RIMBP2: variants seen among roughly 807,000 people sequenced by gnomAD.
The protein encoded by RIMBP2 is RIMS binding protein 2.
A neutral mutation model predicts 118.6 loss-of-function variants in RIMBP2; 48 were observed. That is an observed-to-expected ratio of 0.40 (90% CI 0.32 to 0.51). The LOEUF (loss-of-function observed/expected upper bound fraction) is 0.51. Ranked by LOEUF, RIMBP2 falls within the 20% of genes least tolerant of loss-of-function variation. RIMBP2 has a pLI of 0.41. For missense variants in RIMBP2, 1,551 were observed against 1,768.3 expected (o/e 0.88, Z 2.20); for synonymous variants, 762 against 742.9 (o/e 1.03, Z -0.42).
At chr12:130,473,818 G>A (rs2081209118) in intron 5 of RIMBP2, among the ~76,000 whole-genome samples, 1 of 152,180 alleles carries the variant, frequency 6.6e-6, no homozygotes, top group South Asian at 2.1e-4. Context: ...ACACAACTGA[G>A]GCCGACAATC....
intron 1 of RIMBP2, among the ~76,000 whole-genome samples, chr12:130,628,697 C>T (rs922519121): frequency 1.3e-5 from 2 of 152,146 alleles, no homozygotes; most frequent in African/African-American, 2.4e-5. Flanking sequence ...AACAGTGCAA[C>T]AATACAACAC....
Position 130,438,354 on chromosome 12 carries a change from C to CCAA in RIMBP2, c.1656+10_1656+11insTTG. Reference sequence around the variant, plus strand: ...TAACAAACCCTCCCCACCCACCCAACGAAAACTCACCCTCTGCCCTTTGGC... The same window carrying CCAA: ...TAACAAACCCTCCCCACCCACCCAACCAAGAAAACTCACCCTCTGCCCTTTGGC... On this transcript the variant is annotated intron_variant, in intron 12 of 22. Transcript: ENST00000690449. 1 of 1,037,486 alleles carries CCAA rather than the reference C, an allele frequency of 9.6e-7. No homozygotes were observed. Among genetic ancestry groups the CCAA allele is most frequent in the African/African-American group, 1.7e-5 (1 of 58,660 alleles). The allele number at this position is 1,037,486 out of a possible 1,614,324, so 64.3% of individuals were successfully genotyped here.
At chr12:130,481,964 C>T (rs2082055820) in intron 4 of RIMBP2, among the ~76,000 whole-genome samples, 1 of 150,644 alleles carries the variant, frequency 6.6e-6, no homozygotes, top group South Asian at 2.1e-4. Flanking sequence ...CCGCCCACCA[C>T]CAGTTCACTG....
At chr12:130,540,497 C>A (rs756863734) in intron 2 of RIMBP2, among the ~76,000 whole-genome samples, 24 of 152,132 alleles carry the variant, frequency 1.6e-4, no homozygotes, top group Non-Finnish European at 2.2e-4. Flanking sequence ...ATCTGAGTTT[C>A]TTTCTCAGGA....
At chr12:130,441,561 C>T (rs928435518) in intron 11 of RIMBP2, among the ~76,000 whole-genome samples, 73 of 152,176 alleles carry the variant, frequency 4.8e-4, no homozygotes, top group Middle Eastern at 3.4e-3. Flanking sequence ...AAGATGTAAC[C>T]GTGTCCCCTG....
At chr12:130,653,270 T>G (rs1437000924) in intron 1 of RIMBP2, among the ~76,000 whole-genome samples, 1 of 152,150 alleles carries the variant, frequency 6.6e-6, no homozygotes, top group African/African-American at 2.4e-5. Flanking sequence ...AGGCGTTGGG[T>G]AAAGATTCCC....
At position 130,475,392 on chromosome 12, in the gene RIMBP2, C is replaced by G. The variant is rs577704272; in HGVS notation, c.102+3520G>C. Among the ~76,000 whole-genome samples the G allele has an allele frequency of 6.6e-6, 1 of 152,290 alleles. No individual in the cohort carries two copies. Among genetic ancestry groups the G allele is most frequent in the South Asian group, 2.1e-4 (1 of 4,822 alleles). ...AGGGTGGTCAGGTCTGGGGGTGAAG[C>G]TGATCCCACCAAGGAATCTCTAAGT... On this transcript the variant is annotated intron_variant, in intron 5 of 22. Coordinates refer to ENST00000690449, the MANE Select transcript of RIMBP2 (RefSeq NM_001393629.1). The surrounding 1 kb of genome is among the most constrained non-coding windows in gnomAD (Gnocchi z 4.1).
chr12:130,609,308 C>T (rs7952947), intron 2 of RIMBP2, among the ~76,000 whole-genome samples: 118,596 of 152,048 alleles, frequency 0.78, 46,297 homozygotes, highest in East Asian at 0.85. Flanking sequence ...TGTCCATCGA[C>T]GGATGAATGG....
At chr12:130,584,079 C>T (rs1402251434) in intron 2 of RIMBP2, among the ~76,000 whole-genome samples, 1 of 145,286 alleles carries the variant, frequency 6.9e-6, no homozygotes, top group East Asian at 2.2e-4. Context: ...CCACCATCAC[C>T]TCACCACCAT....
rs139217140 is a variant in RIMBP2 at position 130,502,626 on chromosome 12, G to C, written c.-4+4022C>G. Reference sequence around the variant, plus strand: ...TCTTTTAAAGTGCCACCATCAGCAGGAACTGATTTCCTCCTCGTTTACCCA... The same window carrying C: ...TCTTTTAAAGTGCCACCATCAGCAGCAACTGATTTCCTCCTCGTTTACCCA... On this transcript the variant is annotated intron_variant, in intron 4 of 22. Coordinates refer to ENST00000690449, the MANE Select transcript of RIMBP2 (RefSeq NM_001393629.1). 9.9e-3 allele frequency among the ~76,000 whole-genome samples: 1,510 copies of C among 152,204 alleles called. 15 individuals carry two copies. Among genetic ancestry groups the C allele is most frequent in the Middle Eastern group, 0.02 (6 of 294 alleles).
chr12:130,524,437 A>C (rs1163692122), intron 2 of RIMBP2, among the ~76,000 whole-genome samples: 1 of 152,098 alleles, frequency 6.6e-6, no homozygotes, highest in Non-Finnish European at 1.5e-5. Context: ...GACCAGCCCC[A>C]TGCACAGACC....
rs375448522 is a variant in RIMBP2, at chr12:130,576,555, A to G, written c.-217+51767T>C. On this transcript the variant is annotated intron_variant, in intron 2 of 22. Coordinates refer to ENST00000690449, the MANE Select transcript of RIMBP2 (RefSeq NM_001393629.1). This position sits in a 1 kb window ranked among gnomAD's most constrained non-coding sequence, Gnocchi z 4.2. ...CCCAGAACCAAAGCAATCACCCAGG[A>G]AAGAGAATCAAGCCAGACTATTCAG... Among the ~76,000 whole-genome samples the G allele has an allele frequency of 1.5e-4, 23 of 152,280 alleles. No homozygotes were observed. Among genetic ancestry groups the G allele is most frequent in the African/African-American group, 5.5e-4 (23 of 41,562 alleles).
chr12:130,423,341 C>G (rs2076537704), intron 16 of RIMBP2, among the ~76,000 whole-genome samples: 1 of 152,210 alleles, frequency 6.6e-6, no homozygotes, highest in African/African-American at 2.4e-5. Context: ...GCGGCTGAGT[C>G]ACTGAGGCAC....
chr12:130,511,075 C>G lies in RIMBP2; in HGVS notation c.-126-4305G>C, dbSNP rs2050865703. ...ACCCTGAAGATGGGATTGCATGGAG[C>G]ATCCTGAGAGTGGGAGAGCACCGGG... On this transcript the variant is annotated intron_variant, in intron 3 of 22. Coordinates refer to ENST00000690449, the MANE Select transcript of RIMBP2 (RefSeq NM_001393629.1). The surrounding 1 kb of genome is among the most constrained non-coding windows in gnomAD (Gnocchi z 4.3). Among the ~76,000 whole-genome samples the G allele has an allele frequency of 6.6e-6, 1 of 152,142 alleles. No individual in the cohort carries two copies.
At position 130,578,586 on chromosome 12, in the gene RIMBP2, T is replaced by C. The variant is rs1207141335; in HGVS notation, c.-217+49736A>G. On this transcript the variant is annotated intron_variant, in intron 2 of 22. Transcript: ENST00000690449. The surrounding 1 kb of genome is among the most constrained non-coding windows in gnomAD (Gnocchi z 4.1). The stretch of plus-strand genomic sequence containing the variant: ...TGCTCCAGCCTTGGGGCCTGTGCAC[T>C]GTGGGCCCCTCTGCCTGAACAGGCT... 6.6e-6 allele frequency among the ~76,000 whole-genome samples: 1 copy of C among 152,252 alleles called. No individual in the cohort carries two copies. Among genetic ancestry groups the C allele is most frequent in the Non-Finnish European group, 1.5e-5 (1 of 68,044 alleles).
chr12:130,658,929 A>T (rs1185128558), intron 1 of RIMBP2: 6 of 151,654 alleles, frequency 4.0e-5, no homozygotes, highest in Non-Finnish European at 7.4e-5. Context: ...TCCTCACCTC[A>T]CTCAATCTCC....
chr12:130,445,560 T>C (rs919964837), intron 9 of RIMBP2, among the ~76,000 whole-genome samples: 2 of 152,226 alleles, frequency 1.3e-5, no homozygotes, highest in African/African-American at 4.8e-5. Flanking sequence ...CACACTTATC[T>C]CTTCTGCTGT....
intron 17 of RIMBP2, among the ~76,000 whole-genome samples, chr12:130,421,562 C>T (rs2076406524): frequency 6.6e-6 from 1 of 152,180 alleles, no homozygotes; most frequent in African/African-American, 2.4e-5. Context: ...GCTATTTCAA[C>T]GAGATTCCAG....
intron 1 of RIMBP2, among the ~76,000 whole-genome samples, chr12:130,708,375 G>A (rs999168963): frequency 6.6e-6 from 1 of 152,176 alleles, no homozygotes; most frequent in African/African-American, 2.4e-5. Flanking sequence ...TTGGATGGTA[G>A]GTAAGTTATA....
Sources: gnomAD v4.1 joint callset for allele counts (sites outside exome capture counted in the v4.1 genomes callset) on GRCh38, gnomAD v4.1.1 for gene constraint, Gnocchi (gnomAD v3.1) non-coding constraint, MANE v1.5 for transcripts, NCBI Gene and HGNC (gene_info 2026-07-23, HGNC 2026-07-21) for gene names.